RBFOX1: variants seen among roughly 807,000 people sequenced by gnomAD.
The protein encoded by RBFOX1 is RNA binding protein fox-1 homolog 1.
A neutral mutation model predicts 57.7 loss-of-function variants in RBFOX1; 8 were observed. The observed-to-expected ratio is 0.14, with a 90% confidence interval of 0.08 to 0.25. The LOEUF (loss-of-function observed/expected upper bound fraction) is 0.25, where lower values mean the gene tolerates loss of function less well. RBFOX1 is among the 10% of genes least tolerant of loss of function. The probability of loss-of-function intolerance (pLI) is 1.00; values close to 1 mark genes in which losing one functional copy is unlikely to be tolerated. For synonymous variants in RBFOX1, 326 were observed against 222.4 expected (o/e 1.47, Z -4.15); for missense variants, 611 against 548.5 (o/e 1.11, Z -1.14).
At chr16:5,792,141 C>T (rs78308044) in intron 3 of RBFOX1, among the ~76,000 whole-genome samples, 2 of 152,078 alleles carry the variant, frequency 1.3e-5, no homozygotes, top group Admixed American at 6.5e-5. Flanking sequence ...AGCCCGGGAC[C>T]CCAGTCTAAG....
chr16:5,561,924 T>C (rs2045903309), intron 2 of RBFOX1, among the ~76,000 whole-genome samples: 1 of 152,218 alleles, frequency 6.6e-6, no homozygotes, highest in African/African-American at 2.4e-5. Context: ...CCACCCAAGA[T>C]AATTCTTTCG....
At chr16:7,188,970 C>G (rs1348143498) in intron 4 of RBFOX1, among the ~76,000 whole-genome samples, 6 of 152,138 alleles carry the variant, frequency 3.9e-5, no homozygotes, top group East Asian at 3.9e-4. Context: ...TGATAAACCA[C>G]TCAAGGAAGG....
At chr16:5,843,169 A>G (rs939710010) in intron 3 of RBFOX1, among the ~76,000 whole-genome samples, 1 of 152,116 alleles carries the variant, frequency 6.6e-6, no homozygotes, top group African/African-American at 2.4e-5. Context: ...TCAGGGGTAC[A>G]TGTGCAGGTT....
At chr16:5,809,412 G>T (rs528266416) in intron 3 of RBFOX1, among the ~76,000 whole-genome samples, 1 of 143,576 alleles carries the variant, frequency 7.0e-6, no homozygotes, top group Non-Finnish European at 1.5e-5. Context: ...GAAAATTTTC[G>T]CAACCTACTC....
chr16:7,709,912 G>C lies in RBFOX1; in HGVS notation c.1072-711G>C, dbSNP rs531732379. On this transcript the variant is annotated intron_variant, in intron 15 of 15. Transcript: ENST00000550418. ...AGCTTTGGCATGCAGTTTTCTGCTT[G>C]GATCAAGAATATCAGTCCTTACCCT... 3.7e-5 allele frequency: 39 copies of C among 1,057,930 alleles called. No homozygotes were observed. In the African/African-American group the frequency reaches 6.3e-4, roughly 17 times the overall value. The allele number at this position is 1,057,930 out of a possible 1,614,324, so 65.5% of individuals were successfully genotyped here. A position where few individuals can be genotyped will look rare whatever the true frequency, so the allele number is the denominator to read the frequency against.
rs201320892 is a variant in RBFOX1, at chr16:7,100,366, T to TC, written c.27+48274dup. On this transcript the variant is annotated intron_variant, in intron 4 of 15. Coordinates refer to ENST00000550418, the MANE Select transcript of RBFOX1 (RefSeq NM_018723.4). ...TTTGCTATATGAAGTAGAATCTGAC[T>TC]CCCCCCAGCCTATCACTCATCACTC... 7.6e-3 allele frequency among the ~76,000 whole-genome samples: 1,153 copies of TC among 152,114 alleles called. 10 individuals carry two copies. Among genetic ancestry groups the TC allele is most frequent in the Non-Finnish European group, 0.012 (834 of 68,004 alleles).
At chr16:6,001,968 C>CT (rs35956460) in intron 4 of RBFOX1, among the ~76,000 whole-genome samples, 10,786 of 136,046 alleles carry the variant, frequency 0.079, 508 homozygotes, top group Middle Eastern at 0.13. Flanking sequence ...GCTCTTAAAC[C>CT]TTTTTTTTTT....
chr16:7,009,354 C>T (rs74315848), intron 3 of RBFOX1, among the ~76,000 whole-genome samples: 2,405 of 150,408 alleles, frequency 0.016, 46 homozygotes, highest in East Asian at 0.098. Context: ...CTGCGCCAAG[C>T]AGTCTCTTGG....
At chr16:6,013,561 C>A (rs1405543513) in intron 4 of RBFOX1, among the ~76,000 whole-genome samples, 2 of 152,156 alleles carry the variant, frequency 1.3e-5, no homozygotes, top group Non-Finnish European at 2.9e-5. Context: ...TGATTTATGT[C>A]TCATGAACCT....
rs185375618 is a variant in RBFOX1, at chr16:6,869,866, G to T, written c.-15-182191G>T. Among the ~76,000 whole-genome samples the T allele has an allele frequency of 3.4e-3, 510 of 152,198 alleles. 8 individuals carry two copies. The highest frequency in any genetic ancestry group is 2.1e-3 in the Non-Finnish European group (143 of 67,996). On this transcript the variant is annotated intron_variant, in intron 3 of 15. Coordinates refer to ENST00000550418, the MANE Select transcript of RBFOX1 (RefSeq NM_018723.4). ...GGGAATCAGGAATGAAGGGGAATCT[G>T]TTCAGAACGTATATGTCTCCCCGCA...
chr16:6,495,952 A>G (rs894702504), intron 2 of RBFOX1, among the ~76,000 whole-genome samples: 1 of 152,256 alleles, frequency 6.6e-6, no homozygotes, highest in Non-Finnish European at 1.5e-5. Flanking sequence ...GGCATTTTAT[A>G]TTTCCAACAG....
intron 5 of RBFOX1, among the ~76,000 whole-genome samples, chr16:7,545,922 C>T (rs780082174): frequency 3.3e-4 from 50 of 150,736 alleles, no homozygotes; most frequent in Non-Finnish European, 6.6e-4. Flanking sequence ...TTGAGAGTCA[C>T]GTGCAAAATC....
intron 3 of RBFOX1, among the ~76,000 whole-genome samples, chr16:6,771,473 G>A (rs191582981): frequency 6.6e-6 from 1 of 152,246 alleles, no homozygotes; most frequent in Non-Finnish European, 1.5e-5. Flanking sequence ...AGATAGCAGA[G>A]AGACTTTCTG....
At chr16:7,036,031 T>G (rs903604306) in intron 3 of RBFOX1, among the ~76,000 whole-genome samples, 1 of 152,294 alleles carries the variant, frequency 6.6e-6, no homozygotes, top group South Asian at 2.1e-4. Context: ...TAATGACATT[T>G]TGTAAAGTCA....
At chr16:7,511,449 G>A (rs933462520) in intron 4 of RBFOX1, among the ~76,000 whole-genome samples, 1 of 152,258 alleles carries the variant, frequency 6.6e-6, no homozygotes, top group South Asian at 2.1e-4. Flanking sequence ...TCAGGGTTCA[G>A]GATATTTCAG....
At chr16:7,676,622 T>G (rs1478332183) in intron 13 of RBFOX1, 152 bp from the exon 14 acceptor site, 9 of 651,070 alleles carry the variant, frequency 1.4e-5, no homozygotes, top group East Asian at 1.4e-4. Context: ...TCCAGGGTGT[T>G]TTTGTATTTT....
At chr16:5,756,298 G>T (rs1166082897) in intron 3 of RBFOX1, among the ~76,000 whole-genome samples, 4 of 149,612 alleles carry the variant, frequency 2.7e-5, no homozygotes, top group Non-Finnish European at 5.9e-5. Context: ...CCGTGGGGTT[G>T]TAGTGTGGTG....
intron 2 of RBFOX1, among the ~76,000 whole-genome samples, chr16:6,601,979 T>C (rs2097858734): frequency 6.6e-6 from 1 of 151,696 alleles, no homozygotes; most frequent in Non-Finnish European, 1.5e-5. Context: ...AACTCTTCTC[T>C]CTTGTCAGGT....
intron 1 of RBFOX1, among the ~76,000 whole-genome samples, chr16:6,163,451 C>T (rs916032554): frequency 6.1e-4 from 93 of 152,292 alleles, no homozygotes; most frequent in Non-Finnish European, 1.0e-3. Context: ...CTTGGTTATG[C>T]TAAATACGTT....
Sources: allele counts gnomAD v4.1 joint callset (sites outside exome capture counted in the v4.1 genomes callset), GRCh38; gene constraint gnomAD v4.1.1; transcripts MANE v1.5; gene names NCBI Gene and HGNC (gene_info 2026-07-23, HGNC 2026-07-21).